Variants in ANO4 observed in about 807,000 individuals in gnomAD.
The protein encoded by ANO4 is anoctamin 4.
Under a neutral mutation model 141.9 loss-of-function variants are expected in ANO4, and 69 were observed. That is an observed-to-expected ratio of 0.49 (90% CI 0.40 to 0.59). ANO4 has a LOEUF of 0.59. ANO4 is among the 20% of genes least tolerant of loss of function. ANO4 has a pLI of 0.00. For synonymous variants in ANO4, 350 were observed against 394.3 expected (o/e 0.89, Z 1.33); for missense variants, 894 against 1,162.2 (o/e 0.77, Z 3.36).
At chr12:101,036,625 T>C (rs991337785) in intron 9 of ANO4, among the ~76,000 whole-genome samples, 3 of 152,316 alleles carry the variant, frequency 2.0e-5, no homozygotes, top group East Asian at 1.9e-4. Flanking sequence ...ATCTCACTTA[T>C]GTGTAGAATC....
rs111767289 is a variant in ANO4, at chr12:100,973,006, G to C, written c.557+1600G>C. ...GCTGCCTCCAAGCAGCATTAATACT[G>C]TTTTAATGCAGCATTGAGAGAATGT... On this transcript the variant is annotated intron_variant, in intron 6 of 27. Coordinates refer to ENST00000392977, the MANE Select transcript of ANO4 (RefSeq NM_001286615.2). Among the ~76,000 whole-genome samples the C allele has an allele frequency of 2.1e-3, 323 of 152,334 alleles. 2 individuals are homozygous for C. Among genetic ancestry groups the C allele is most frequent in the African/African-American group, 7.4e-3 (306 of 41,582 alleles).
chr12:100,875,432 C>T (rs2039251838), intron 1 of ANO4, among the ~76,000 whole-genome samples: 1 of 152,110 alleles, frequency 6.6e-6, no homozygotes, highest in Non-Finnish European at 1.5e-5. Context: ...ACAAGGGAGC[C>T]TAGAAATGTC....
At chr12:100,855,295 A>G (rs1210494806) in intron 1 of ANO4, among the ~76,000 whole-genome samples, 4 of 151,892 alleles carry the variant, frequency 2.6e-5, no homozygotes, top group South Asian at 2.1e-4. Context: ...TTTAGCTTTA[A>G]TTATTAGTTA....
intron 3 of ANO4, among the ~76,000 whole-genome samples, chr12:100,753,007 G>A (rs144318359): frequency 2.2e-4 from 34 of 152,248 alleles, no homozygotes; most frequent in Non-Finnish European, 4.3e-4. Flanking sequence ...CTCAATGGGA[G>A]CAATTGGGAT....
At chr12:100,897,365 A>G (rs1011463561) in intron 1 of ANO4, among the ~76,000 whole-genome samples, 10 of 152,234 alleles carry the variant, frequency 6.6e-5, no homozygotes, top group African/African-American at 2.2e-4. Context: ...ACAATAAAAC[A>G]GGAAGCACTA....
At chr12:100,819,263 A>G (rs1760306365) in intron 1 of ANO4, among the ~76,000 whole-genome samples, 1 of 151,856 alleles carries the variant, frequency 6.6e-6, no homozygotes, top group African/African-American at 2.4e-5. Context: ...GTTAAATATA[A>G]CTGTAGAAAA....
intron 3 of ANO4, among the ~76,000 whole-genome samples, chr12:100,761,750 C>T (rs1379466635): frequency 6.6e-6 from 1 of 152,188 alleles, no homozygotes; most frequent in Admixed American, 6.5e-5. Flanking sequence ...TTCTTAGATG[C>T]CAGTCATGTG....
chr12:100,783,221 G>A (rs1384377273), intron 3 of ANO4, among the ~76,000 whole-genome samples: 4 of 152,190 alleles, frequency 2.6e-5, no homozygotes, highest in African/African-American at 9.7e-5. Context: ...ACAGACTGCA[G>A]TGGGGGCACT....
At chr12:101,047,634 T>C (rs2047684589) in intron 13 of ANO4, among the ~76,000 whole-genome samples, 1 of 152,186 alleles carries the variant, frequency 6.6e-6, no homozygotes, top group Admixed American at 6.5e-5. Flanking sequence ...GTCATGGACA[T>C]TGGTATTATT....
chr12:100,803,668 T>G (rs79374327), intron 1 of ANO4, among the ~76,000 whole-genome samples: 1 of 152,194 alleles, frequency 6.6e-6, no homozygotes, highest in Non-Finnish European at 1.5e-5. Context: ...ATCCTTACTC[T>G]GCCACTTACT....
intron 3 of ANO4, among the ~76,000 whole-genome samples, chr12:100,923,215 C>T (rs566768453): frequency 1.3e-5 from 2 of 152,160 alleles, no homozygotes; most frequent in South Asian, 2.1e-4. Context: ...TATACATGTG[C>T]CATGTTGGTT....
chr12:100,901,419 A>G (rs2040586242), intron 1 of ANO4, among the ~76,000 whole-genome samples: 1 of 152,144 alleles, frequency 6.6e-6, no homozygotes, highest in Admixed American at 6.5e-5. Context: ...ACATTTTCCC[A>G]GCATTTTGGA....
At chr12:100,783,805 C>T (rs1406542538) in intron 3 of ANO4, among the ~76,000 whole-genome samples, 1 of 152,080 alleles carries the variant, frequency 6.6e-6, no homozygotes, top group Non-Finnish European at 1.5e-5. Flanking sequence ...TGGTGATGTA[C>T]CCTGGGTGTT....
intron 1 of ANO4, among the ~76,000 whole-genome samples, chr12:100,799,633 C>T (rs2034558758): frequency 1.3e-5 from 2 of 152,108 alleles, no homozygotes; most frequent in Admixed American, 1.3e-4. Context: ...CCCAGCTACT[C>T]AGGAGGCTGA....
At chr12:100,743,254 ATAG>A (rs1228200960) in intron 3 of ANO4, among the ~76,000 whole-genome samples, 1 of 150,206 alleles carries the variant, frequency 6.7e-6, no homozygotes, top group East Asian at 1.9e-4. Context: ...TAAAATACTA[ATAG>A]TATTAAAATA....
At chr12:100,939,193 A>T in intron 3 of ANO4, 122 bp from the exon 4 acceptor site, 1 of 978,256 alleles carries the variant, frequency 1.0e-6, no homozygotes, top group Non-Finnish European at 1.5e-6. Flanking sequence ...TATGCTTGTC[A>T]CTCAAGGAGT....
intron 1 of ANO4, among the ~76,000 whole-genome samples, chr12:100,856,296 C>A (rs1481815607): frequency 6.6e-6 from 1 of 152,110 alleles, no homozygotes; most frequent in African/African-American, 2.4e-5. Flanking sequence ...TTGGCAGAAC[C>A]CACCAGTCTC....
At chr12:100,766,836 TTCTC>T (rs1296141081) in intron 3 of ANO4, among the ~76,000 whole-genome samples, 4 of 151,996 alleles carry the variant, frequency 2.6e-5, no homozygotes, top group South Asian at 2.1e-4. Context: ...AGTGTTGTGT[TTCTC>T]TCTATTTCAC....
rs138266388 is a variant in ANO4, at chr12:101,078,402, T to A, written c.1313-791T>A. Among the ~76,000 whole-genome samples, 734 of 152,172 alleles carry A rather than the reference T, an allele frequency of 4.8e-3. 7 individuals are homozygous for A. The highest frequency in any genetic ancestry group is 0.017 in the African/African-American group (702 of 41,514). On this transcript the variant is annotated intron_variant, in intron 14 of 27. Coordinates refer to ENST00000392977, the MANE Select transcript of ANO4 (RefSeq NM_001286615.2). ...ATTTTGCCTTCCAAGGCAGCAGGAG[T>A]GTGTCTTATTTTCTCTCTGTTTCTC... is the stretch of plus-strand genomic sequence containing the variant.
Sources: allele counts gnomAD v4.1 joint callset (sites outside exome capture counted in the v4.1 genomes callset), GRCh38; gene constraint gnomAD v4.1.1; transcripts MANE v1.5; gene names NCBI Gene and HGNC (gene_info 2026-07-23, HGNC 2026-07-21).